Variants in PANK2 observed in about 807,000 individuals in gnomAD.
PANK2 encodes pantothenate kinase 2, mitochondrial.
Under a neutral mutation model 43.1 loss-of-function variants are expected in PANK2, and 36 were observed. That is an observed-to-expected ratio of 0.84 (90% CI 0.64 to 1.10). PANK2 has a LOEUF of 1.10. Ranked by LOEUF, PANK2 falls within the 50% of genes least tolerant of loss-of-function variation. The pLI is 0.00. For missense variants in PANK2, 576 were observed against 593.3 expected (o/e 0.97, Z 0.30); for synonymous variants, 281 against 238.2 (o/e 1.18, Z -1.66).
At chr20:3,895,508 T>C (rs2090193115) in intron 1 of PANK2, among the ~76,000 whole-genome samples, 1 of 151,304 alleles carries the variant, frequency 6.6e-6, no homozygotes, top group East Asian at 1.9e-4. Flanking sequence ...CTTTTTTTTT[T>C]TCTCAAAACA....
At chr20:3,919,116 A>G (rs1409289296) in intron 6 of PANK2, among the ~76,000 whole-genome samples, 5 of 152,140 alleles carry the variant, frequency 3.3e-5, no homozygotes, top group African/African-American at 1.2e-4. Context: ...CATGTTGGCC[A>G]AGCTGGTCTG....
Position 3,889,895 on chromosome 20 carries a change from C to T in PANK2, c.298+167C>T, listed in dbSNP as rs911545056. 3.9e-6 allele frequency: 6 copies of T among 1,532,336 alleles called. No homozygotes were observed. The African/African-American group carries it at 4.1e-5, about 11-fold the overall frequency. The allele number at this position is 1,532,336 out of a possible 1,614,324, so 94.9% of individuals were successfully genotyped here. A position where few individuals can be genotyped will look rare whatever the true frequency, so the allele number is the denominator to read the frequency against. On this transcript the variant is annotated intron_variant, in intron 1 of 6. Coordinates refer to ENST00000610179, the MANE Select transcript of PANK2 (RefSeq NM_001386393.1). Reference sequence around the variant, plus strand: ...ATCCGGCTGGAGGCCTCGGGTGCTCCGAAAGCGGTACCTTCGGGGGCCCCC... The same window carrying T: ...ATCCGGCTGGAGGCCTCGGGTGCTCTGAAAGCGGTACCTTCGGGGGCCCCC...
intron 5 of PANK2, among the ~76,000 whole-genome samples, chr20:3,917,907 TA>T (rs1156360632): frequency 7.9e-5 from 12 of 152,380 alleles, no homozygotes; most frequent in African/African-American, 2.9e-4. Flanking sequence ...ATTTTATACT[TA>T]AATATACATT....
At chr20:3,897,991 C>T (rs554891358) in intron 1 of PANK2, among the ~76,000 whole-genome samples, 4 of 149,650 alleles carry the variant, frequency 2.7e-5, no homozygotes, top group Admixed American at 1.3e-4. Context: ...AGCAACAGAG[C>T]GAGACTCCAT....
intron 1 of PANK2, among the ~76,000 whole-genome samples, chr20:3,905,311 G>T (rs2090366973): frequency 6.6e-6 from 1 of 150,892 alleles, no homozygotes; most frequent in African/African-American, 2.4e-5. Flanking sequence ...CTTATGCATG[G>T]TTATTGCCTC....
In PANK2 at chr20:3,916,989, C is replaced by G; in HGVS notation, c.1145C>G (p.Ala382Gly). Residue 382 changes from alanine (A) to glycine (G), a missense_variant, in exon 5 of 7, where the codon GCG (alanine) becomes GGG (glycine). This residue lies in a region of PANK2 where 544 missense variants were observed against 528.9 expected (regional missense o/e 1.03). Coordinates refer to ENST00000610179, the MANE Select transcript of PANK2 (RefSeq NM_001386393.1). ...GTCAGTAAAGAGGACCTGGCCAGAGCGACTTTGATCACCATCACCAACAAC... is the reference window on the plus strand; with the variant it reads ...GTCAGTAAAGAGGACCTGGCCAGAGGGACTTTGATCACCATCACCAACAAC... The G allele has an allele frequency of 6.2e-7, 1 of 1,613,952 alleles. No individual in the cohort carries two copies.
intron 1 of PANK2, 22 bp downstream of exon 1, chr20:3,889,750 C>CG: frequency 5.0e-6 from 8 of 1,584,170 alleles, no homozygotes; most frequent in Non-Finnish European, 6.8e-6. Context: ...GTGGGGCGCC[C>CG]TCCCGGCCCG....
rs540446665 is a variant in PANK2 at position 3,919,635 on chromosome 20, C to T, written c.1332+839C>T. On this transcript the variant is annotated intron_variant, in intron 6 of 6. Transcript: ENST00000610179. ...ACCTCATAGCCTGTCTTGGAAAGCA[C>T]TCTTATTTTTCCTATTTGGGGAAAA... Among the ~76,000 whole-genome samples, 7 of 152,304 alleles carry T rather than the reference C, an allele frequency of 4.6e-5. No individual in the cohort carries two copies. In the South Asian group the frequency reaches 1.4e-3, roughly 32 times the overall value.
chr20:3,907,127 A>G (rs1234339361), intron 1 of PANK2, among the ~76,000 whole-genome samples: 1 of 92,358 alleles, frequency 1.1e-5, no homozygotes, highest in Admixed American at 1.5e-4. Context: ...TTTTTGAGAC[A>G]GAGCCTCACT....
intron 4 of PANK2, among the ~76,000 whole-genome samples, chr20:3,913,798 T>A (rs201646684): frequency 0.064 from 6,477 of 101,106 alleles, 359 homozygotes; most frequent in African/African-American, 0.15. Flanking sequence ...ATATTTTTTT[T>A]TTTTTTTTGA....
At chr20:3,894,924 G>A (rs900408810) in intron 1 of PANK2, among the ~76,000 whole-genome samples, 1 of 152,186 alleles carries the variant, frequency 6.6e-6, no homozygotes, top group African/African-American at 2.4e-5. Context: ...TGGTTGTTTA[G>A]TGTTGGTGTC....
chr20:3,912,588 G>A lies in PANK2; in HGVS notation c.1036G>A (p.Gly346Arg), dbSNP rs1276332943. ...TAAACTAGTACGAGATATTTATGGA[G>A]GGGACTATGAGAGGTTTGGACTGCC... The change falls in exon 4 of 7, where the codon GGG (glycine) becomes AGG (arginine). Residue 346 changes from glycine (G) to arginine (R), a missense_variant. Transcript: ENST00000610179. 3 of 1,614,118 alleles carry A rather than the reference G, an allele frequency of 1.9e-6. No homozygotes were observed. The highest frequency in any genetic ancestry group is 1.1e-5 in the South Asian group (1 of 91,076).
Position 3,889,455 on chromosome 20 carries a change from C to A in PANK2, c.25C>A (p.Arg9=). 1.9e-6 allele frequency: 3 copies of A among 1,547,322 alleles called. No homozygotes were observed. The South Asian group carries it at 3.6e-5, about 18-fold the overall frequency. Residue 9 remains arginine (R), a synonymous_variant, in exon 1 of 7, where the codon CGA becomes AGA. Coordinates refer to ENST00000610179, the MANE Select transcript of PANK2 (RefSeq NM_001386393.1). ...GCTGGGGGGCTTGCTCGGGCGGCAG[C>A]GACTGCTGCTGCGGATGGGAGGGGG...
At chr20:3,892,338 C>T (rs2090135552) in intron 1 of PANK2, among the ~76,000 whole-genome samples, 1 of 64,420 alleles carries the variant, frequency 1.6e-5, no homozygotes, top group African/African-American at 4.6e-5. Context: ...AGTGAGACTC[C>T]TCAAAAAAAA....
intron 1 of PANK2, among the ~76,000 whole-genome samples, chr20:3,902,512 C>G (rs2090317930): frequency 6.6e-6 from 1 of 151,352 alleles, no homozygotes; most frequent in Admixed American, 6.6e-5. Flanking sequence ...CTCCTGACCT[C>G]AAGCGATCCA....
At chr20:3,900,600 A>G (rs969842913) in intron 1 of PANK2, among the ~76,000 whole-genome samples, 3 of 151,784 alleles carry the variant, frequency 2.0e-5, no homozygotes, top group South Asian at 2.1e-4. Flanking sequence ...TACTTGTATA[A>G]TCTTGTTTGA....
chr20:3,895,212 T>C (rs1297989543), intron 1 of PANK2, among the ~76,000 whole-genome samples: 1 of 151,940 alleles, frequency 6.6e-6, no homozygotes, highest in Non-Finnish European at 1.5e-5. Context: ...AGGTGGAAGT[T>C]GCAGTGAGCC....
chr20:3,913,181 A>G (rs901818119), intron 4 of PANK2, among the ~76,000 whole-genome samples: 1 of 152,074 alleles, frequency 6.6e-6, no homozygotes, highest in Non-Finnish European at 1.5e-5. Flanking sequence ...AGCCCCTGCC[A>G]AACAGTAATT....
rs538212327 is a variant in PANK2 at position 3,904,683 on chromosome 20, A to G, written c.299-3243A>G. 5.3e-5 allele frequency among the ~76,000 whole-genome samples: 8 copies of G among 152,356 alleles called. No homozygotes were observed. The South Asian group carries it at 1.7e-3, about 32-fold the overall frequency. ...ATCGTGTTAATTTTTGCAGCCACAC[A>G]CATCTGGCAATCGTTTTTTAATTTT... On this transcript the variant is annotated intron_variant, in intron 1 of 6. Transcript: ENST00000610179.
Sources: gnomAD v4.1 joint callset for allele counts (sites outside exome capture counted in the v4.1 genomes callset) on GRCh38, gnomAD v4.1.1 for gene constraint, gnomAD v4.1.1 regional missense constraint, MANE v1.5 for transcripts, NCBI Gene and HGNC (gene_info 2026-07-23, HGNC 2026-07-21) for gene names.